MYO18B: variants seen among roughly 807,000 people sequenced by gnomAD.
MYO18B encodes the protein unconventional myosin-XVIIIb.
MYO18B carries 204 observed loss-of-function variants against 273.0 expected under a neutral mutation model. That is an observed-to-expected ratio of 0.75 (90% CI 0.67 to 0.84). The LOEUF (loss-of-function observed/expected upper bound fraction) is 0.84, where lower values mean the gene tolerates loss of function less well. MYO18B is among the 40% of genes least tolerant of loss of function. The pLI is 0.00. For synonymous variants in MYO18B, 1,330 were observed against 1,305.7 expected (o/e 1.02, Z -0.40); for missense variants, 3,212 against 3,287.6 (o/e 0.98, Z 0.56).
Position 25,902,703 on chromosome 22 carries a change from G to A in MYO18B, c.4914G>A (p.Arg1638=). 4 of 1,590,952 alleles carry A rather than the reference G, an allele frequency of 2.5e-6. No homozygotes were observed. The highest frequency in any genetic ancestry group is 3.4e-6 in the Non-Finnish European group (4 of 1,168,242). Residue 1638 remains arginine (R), a synonymous_variant, in exon 30 of 44, where the codon CGG becomes CGA. Transcript: ENST00000335473. ...EKVTQENTSV[R]WELGQLQQQL... is the part of the protein sequence containing the mutation. ...TGACCCAGGAGAACACCAGTGTCCG[G>A]TGGGAGCTAGGCCAGCTTCAGCAGC...
At position 25,902,664 on chromosome 22, in the gene MYO18B, T is replaced by G; in HGVS notation, c.4875T>G (p.Gly1625=). The change falls in exon 30 of 44, where the codon GGT becomes GGG. Residue 1625 remains glycine, a synonymous_variant. Coordinates refer to ENST00000335473, the MANE Select transcript of MYO18B (RefSeq NM_032608.7). ...TAGGTGAGTCAGTGTTTGAGAAGGG[T>G]CTCCGTGAGAAAGTGACCCAGGAGA... ...QALGESVFEK[G]LREKVTQENT... 6.2e-7 allele frequency: 1 copy of G among 1,601,324 alleles called. No individual in the cohort carries two copies. Among genetic ancestry groups the G allele is most frequent in the Non-Finnish European group, 8.5e-7 (1 of 1,173,818 alleles).
intron 7 of MYO18B, among the ~76,000 whole-genome samples, chr22:25,773,945 G>T (rs80312178): frequency 0.015 from 2,280 of 152,264 alleles, 49 homozygotes; most frequent in African/African-American, 0.051. Context: ...AGGCCTGTCG[G>T]AGGTGAGACA....
chr22:25,965,753 A>G (rs575103749), intron 39 of MYO18B, among the ~76,000 whole-genome samples: 9 of 152,332 alleles, frequency 5.9e-5, no homozygotes, highest in Middle Eastern at 3.4e-3. Context: ...ATTTAGTTGT[A>G]AGCTTGTATC....
intron 42 of MYO18B, among the ~76,000 whole-genome samples, chr22:26,019,549 T>C (rs1935642501): frequency 2.0e-5 from 3 of 152,242 alleles, no homozygotes; most frequent in Non-Finnish European, 4.4e-5. Context: ...TCCCATTCCC[T>C]GCATAATGCA....
chr22:25,749,209 T>A (rs1407833338), intron 1 of MYO18B, among the ~76,000 whole-genome samples: 1 of 152,170 alleles, frequency 6.6e-6, no homozygotes, highest in Non-Finnish European at 1.5e-5. Flanking sequence ...CACCCTCAAC[T>A]GGTATCCTGG....
At chr22:25,998,605 G>A (rs1384406186) in intron 40 of MYO18B, among the ~76,000 whole-genome samples, 1 of 152,188 alleles carries the variant, frequency 6.6e-6, no homozygotes. Flanking sequence ...GAAGATTCTG[G>A]TTGCTACTGA....
chr22:25,937,342 C>G (rs928333283), intron 34 of MYO18B, among the ~76,000 whole-genome samples: 8 of 152,050 alleles, frequency 5.3e-5, no homozygotes, highest in African/African-American at 1.9e-4. Context: ...CCTCGGCCTC[C>G]CAAAGATCTG....
At chr22:25,774,281 C>G (rs2086832517) in intron 7 of MYO18B, among the ~76,000 whole-genome samples, 1 of 152,242 alleles carries the variant, frequency 6.6e-6, no homozygotes, top group African/African-American at 2.4e-5. Flanking sequence ...CTGGGAGGAC[C>G]TCAGAAGCTC....
At chr22:25,757,750 C>T (rs148296145) in intron 1 of MYO18B, among the ~76,000 whole-genome samples, 24 of 152,278 alleles carry the variant, frequency 1.6e-4, no homozygotes, top group African/African-American at 5.3e-4. Flanking sequence ...AGAAGAGACA[C>T]CTTCCTCCAC....
chr22:25,888,281 A>G (rs1053225779), intron 25 of MYO18B, among the ~76,000 whole-genome samples: 9 of 152,036 alleles, frequency 5.9e-5, no homozygotes, highest in Admixed American at 5.9e-4. Context: ...TATTTTTTTA[A>G]GAGTCAGGGT....
chr22:25,890,285 G>A (rs1008848925), intron 25 of MYO18B, among the ~76,000 whole-genome samples: 5 of 152,204 alleles, frequency 3.3e-5, no homozygotes, highest in African/African-American at 9.7e-5. Flanking sequence ...GAGGTGGTCT[G>A]GTGGAGAGCA....
intron 11 of MYO18B, among the ~76,000 whole-genome samples, chr22:25,787,419 G>A (rs1259865680): frequency 6.6e-6 from 1 of 152,100 alleles, no homozygotes; most frequent in Non-Finnish European, 1.5e-5. Flanking sequence ...TGCTGATGCT[G>A]CTGGTCCAGG....
In MYO18B at chr22:25,768,130, A is replaced by G. The variant is rs2086571230; in HGVS notation, c.214A>G (p.Ile72Val). The change falls in exon 4 of 44, where the codon ATC becomes GTC. Residue 72 changes from isoleucine (I) to valine (V), a missense_variant. By Grantham distance (29) the Ile-to-Val change is conservative. Transcript: ENST00000335473. ...SPEREIPEIS[I>V]SQPNSKSSSG... ...TTTCTCCCAGATCCCAGAAATTTCC[A>G]TCAGCCAACCCAACAGCAAGTCCAG... is the stretch of plus-strand genomic sequence containing the variant. 2.5e-6 allele frequency: 4 copies of G among 1,596,552 alleles called. No individual in the cohort carries two copies. The African/African-American group carries it at 4.0e-5, about 16-fold the overall frequency.
downstream of MYO18B, among the ~76,000 whole-genome samples, chr22:26,032,517 GT>G (rs869157490): frequency 0.048 from 5,599 of 117,546 alleles, 95 homozygotes; most frequent in African/African-American, 0.067. Flanking sequence ...TAATCACCCT[GT>G]TTTTTTTTTT....
At chr22:25,859,081 A>G (rs695351) in intron 21 of MYO18B, among the ~76,000 whole-genome samples, 60,998 of 152,052 alleles carry the variant, frequency 0.4, 14,300 homozygotes, top group East Asian at 0.75. Flanking sequence ...TCATATACAC[A>G]GAGTAAATAA....
intron 17 of MYO18B, among the ~76,000 whole-genome samples, chr22:25,839,542 C>T (rs1216831324): frequency 6.6e-6 from 1 of 152,176 alleles, no homozygotes; most frequent in East Asian, 1.9e-4. Context: ...GGCTTTACTG[C>T]ACCCCAGCTA....
intron 18 of MYO18B, among the ~76,000 whole-genome samples, chr22:25,844,481 G>T (rs1439535868): frequency 2.0e-5 from 3 of 152,154 alleles, no homozygotes; most frequent in Admixed American, 1.3e-4. Context: ...GTCTCAGATG[G>T]GCACCAGGAT....
chr22:25,804,488 C>T (rs1159990658), intron 12 of MYO18B, among the ~76,000 whole-genome samples: 1 of 152,210 alleles, frequency 6.6e-6, no homozygotes, highest in East Asian at 1.9e-4. Context: ...GGGCACACAG[C>T]TGGGAAGTGA....
chr22:26,059,687 C>T, the MYO18B span, among the ~76,000 whole-genome samples: 1 of 152,170 alleles, frequency 6.6e-6, no homozygotes. Context: ...TCTTCTAACC[C>T]CAAGAATGCA....
Sources: gnomAD v4.1 joint callset for allele counts (sites outside exome capture counted in the v4.1 genomes callset) on GRCh38, gnomAD v4.1.1 for gene constraint, MANE v1.5 for transcripts, NCBI Gene and HGNC (gene_info 2026-07-23, HGNC 2026-07-21) for gene names.